FRMPD4: variants seen among roughly 807,000 people sequenced by gnomAD.
The protein encoded by FRMPD4 is FERM and PDZ domain containing 4.
In FRMPD4, 22 loss-of-function variants were observed where a neutral mutation model predicts 94.1. The observed-to-expected ratio is 0.23, with a 90% CI of 0.17 to 0.33. The LOEUF (loss-of-function observed/expected upper bound fraction) is 0.33, where lower values mean the gene tolerates loss of function less well. FRMPD4 is among the 10% of genes least tolerant of loss of function. FRMPD4 has a pLI of 1.00. For synonymous variants in FRMPD4, 631 were observed against 548.6 expected, an observed-to-expected ratio of 1.15 and a Z score of -2.10; for missense variants, 1,111 against 1,339.9, an observed-to-expected ratio of 0.83 and a Z score of 2.67.
At chrX:12,414,305 G>T (rs1479643809) in intron 1 of FRMPD4, among the ~76,000 whole-genome samples, 2 of 111,826 alleles carry the variant, frequency 1.8e-5, no homozygotes, top group Non-Finnish European at 3.8e-5. Context: ...CTACTTTCTG[G>T]CAGATTACAG....
chrX:12,196,011 A>G (rs1277329652), intron 1 of FRMPD4, among the ~76,000 whole-genome samples: 3 of 111,696 alleles, frequency 2.7e-5, no homozygotes, highest in Non-Finnish European at 5.7e-5. Flanking sequence ...CTTGTGTGTA[A>G]ATTAGAAGTT....
At chrX:12,156,088 G>A (rs1301890935) in intron 1 of FRMPD4, among the ~76,000 whole-genome samples, 1 of 111,744 alleles carries the variant, frequency 8.9e-6, no homozygotes, top group African/African-American at 3.3e-5. Context: ...TGCCCTTGGG[G>A]TGTTTTAATT....
chrX:12,133,876 C>G (rs895042066), upstream of FRMPD4, among the ~76,000 whole-genome samples: 5 of 112,156 alleles, frequency 4.5e-5, no homozygotes, highest in South Asian at 3.8e-4. Context: ...GCTAAAAATC[C>G]TCACATGGCT....
chrX:12,164,052 T>A (rs2056071587), intron 1 of FRMPD4, among the ~76,000 whole-genome samples: 2 of 111,407 alleles, frequency 1.8e-5, no homozygotes, highest in Admixed American at 9.5e-5. Flanking sequence ...GTTTTTTTTT[T>A]ATTATTATTA....
At chrX:12,359,714 C>T (rs945112155) in intron 1 of FRMPD4, among the ~76,000 whole-genome samples, 5 of 111,735 alleles carry the variant, frequency 4.5e-5, no homozygotes, top group African/African-American at 9.8e-5. Flanking sequence ...ATGATCCACC[C>T]GCCTTGGGCT....
intron 1 of FRMPD4, among the ~76,000 whole-genome samples, chrX:12,494,111 G>A (rs375753363): frequency 6.1e-4 from 68 of 111,903 alleles, no homozygotes; most frequent in African/African-American, 2.0e-3. Flanking sequence ...ATTCAACTAA[G>A]GTTTATTGAG....
chrX:12,680,217 G>C (rs2059954404), intron 5 of FRMPD4, among the ~76,000 whole-genome samples: 2 of 112,003 alleles, frequency 1.8e-5, no homozygotes, highest in South Asian at 3.8e-4. Flanking sequence ...ATGTACAGGG[G>C]TTGATTAGGG....
chrX:12,398,816 G>A lies in FRMPD4; in HGVS notation c.42-99864G>A, dbSNP rs767757086. On this transcript the variant is annotated intron_variant, in intron 1 of 16. Coordinates refer to ENST00000675598, the MANE Select transcript of FRMPD4 (RefSeq NM_001368397.1). ...ACTTTGCAAGGAAATCTGCAGTTAC[G>A]TTTTAGGCTATAATTGTTTCATATG... 7.2e-5 allele frequency among the ~76,000 whole-genome samples: 8 copies of A among 111,744 alleles called. No homozygotes were observed. In the East Asian group the frequency reaches 8.4e-4, roughly 12 times the overall value.
At chrX:12,125,011 G>T (rs145015938) in intron 3 of FRMPD4, among the ~76,000 whole-genome samples, 1 of 112,089 alleles carries the variant, frequency 8.9e-6, no homozygotes, top group Admixed American at 9.5e-5. Flanking sequence ...CCTCGTTTCC[G>T]TTGAGATACA....
intron 1 of FRMPD4, among the ~76,000 whole-genome samples, chrX:12,239,141 T>G (rs759461312): frequency 1.2e-4 from 13 of 112,466 alleles, no homozygotes; most frequent in Non-Finnish European, 1.9e-4. Context: ...GTACCACTTT[T>G]GTTCTCAGGT....
intron 16 of FRMPD4, among the ~76,000 whole-genome samples, chrX:12,720,078 GAA>G (rs773712613): frequency 0.082 from 7,978 of 97,194 alleles, 482 homozygotes; most frequent in East Asian, 0.36. Flanking sequence ...AAGAAAGAAA[GAA>G]AGAGAAAGAA....
chrX:11,926,667 T>C (rs1055928004), intron 3 of FRMPD4, among the ~76,000 whole-genome samples: 4 of 111,989 alleles, frequency 3.6e-5, no homozygotes, highest in Non-Finnish European at 7.5e-5. Context: ...CACATGATGA[T>C]CTCAATACAT....
At chrX:12,611,801 CTGTG>C (rs1311376379) in intron 3 of FRMPD4, among the ~76,000 whole-genome samples, 3 of 110,697 alleles carry the variant, frequency 2.7e-5, no homozygotes, top group South Asian at 3.8e-4. Flanking sequence ...TTTTAGTTCT[CTGTG>C]TAAGATTGTT....
chrX:12,027,966 A>G (rs2074502454), intron 3 of FRMPD4, among the ~76,000 whole-genome samples: 1 of 112,391 alleles, frequency 8.9e-6, no homozygotes, highest in African/African-American at 3.2e-5. Flanking sequence ...ATTGAATTTT[A>G]TAACCCAACA....
intron 1 of FRMPD4, among the ~76,000 whole-genome samples, chrX:12,373,445 C>G (rs1417471496): frequency 8.9e-6 from 1 of 111,753 alleles, no homozygotes; most frequent in Non-Finnish European, 1.9e-5. Context: ...TTTTAAAAAC[C>G]TCAATCCCAG....
chrX:12,088,353 G>T (rs769426126), intron 3 of FRMPD4, among the ~76,000 whole-genome samples: 5 of 111,180 alleles, frequency 4.5e-5, no homozygotes, highest in Non-Finnish European at 9.4e-5. Flanking sequence ...CATTCATGAG[G>T]GCTCTGCCCT....
chrX:12,142,432 A>G (rs757876172), intron 1 of FRMPD4, among the ~76,000 whole-genome samples: 1 of 111,723 alleles, frequency 9.0e-6, no homozygotes, highest in South Asian at 3.8e-4. Context: ...TAAAGAAGTA[A>G]TGCAAAAGGT....
At chrX:12,659,683 T>C (rs758506429) in intron 4 of FRMPD4, among the ~76,000 whole-genome samples, 1 of 112,866 alleles carries the variant, frequency 8.9e-6, no homozygotes, top group Admixed American at 9.4e-5. Flanking sequence ...AAATATTTGC[T>C]GAAGGAATGA....
chrX:12,085,604 T>G (rs1852390), intron 3 of FRMPD4, among the ~76,000 whole-genome samples: 49,080 of 110,862 alleles, frequency 0.44, 8,090 homozygotes, highest in Middle Eastern at 0.57. Context: ...GGGCATGATT[T>G]CTCGTGCCTG....
Sources: gnomAD v4.1 joint callset for allele counts (sites outside exome capture counted in the v4.1 genomes callset) on GRCh38, gnomAD v4.1.1 for gene constraint, MANE v1.5 for transcripts, NCBI Gene and HGNC (gene_info 2026-07-23, HGNC 2026-07-21) for gene names.